The following CCBE1 variants were observed in gnomAD, a reference collection of about 807,000 sequenced individuals.
The protein encoded by CCBE1 is collagen and calcium binding EGF domains 1.
In CCBE1, 37 loss-of-function variants were observed where a neutral mutation model predicts 50.0. The observed-to-expected ratio is 0.74, with a 90% CI of 0.57 to 0.97. CCBE1 has a LOEUF of 0.97. Ranked by LOEUF, CCBE1 falls within the 50% of genes least tolerant of loss-of-function variation. CCBE1 has a pLI of 0.00. For missense variants in CCBE1, 538 were observed against 523.8 expected (o/e 1.03, Z -0.26); for synonymous variants, 234 against 203.7 (o/e 1.15, Z -1.27).
At chr18:59,495,295 A>T (rs1913297624) in intron 2 of CCBE1, among the ~76,000 whole-genome samples, 1 of 152,146 alleles carries the variant, frequency 6.6e-6, no homozygotes, top group Admixed American at 6.5e-5. Flanking sequence ...AACATGGTTA[A>T]TCACCGTTTA....
intron 2 of CCBE1, among the ~76,000 whole-genome samples, chr18:59,536,006 G>T (rs75178529): frequency 6.6e-6 from 1 of 152,270 alleles, no homozygotes; most frequent in African/African-American, 2.4e-5. Flanking sequence ...ATTCTATGAG[G>T]AGGAGAAAGA....
At chr18:59,656,587 G>C (rs559805777) in intron 2 of CCBE1, among the ~76,000 whole-genome samples, 1 of 152,222 alleles carries the variant, frequency 6.6e-6, no homozygotes, top group Non-Finnish European at 1.5e-5. Context: ...CAGGTCATTA[G>C]TTTCAGTTCC....
At chr18:59,597,204 G>A (rs1017350934) in intron 2 of CCBE1, among the ~76,000 whole-genome samples, 3 of 152,150 alleles carry the variant, frequency 2.0e-5, no homozygotes, top group South Asian at 4.1e-4. Flanking sequence ...TCAGTGCCTC[G>A]TTTCCTCATC....
chr18:59,520,175 T>G (rs2144322694), intron 2 of CCBE1, among the ~76,000 whole-genome samples: 1 of 152,344 alleles, frequency 6.6e-6, no homozygotes, highest in South Asian at 2.1e-4. Context: ...TGGTTCCGTA[T>G]GAAATTTAAA....
intron 2 of CCBE1, among the ~76,000 whole-genome samples, chr18:59,655,383 A>G (rs530997881): frequency 5.2e-4 from 79 of 152,294 alleles, no homozygotes; most frequent in African/African-American, 1.7e-3. Flanking sequence ...GAAAGGGTCC[A>G]GGAGACAGAG....
intron 4 of CCBE1, among the ~76,000 whole-genome samples, chr18:59,467,959 C>G (rs1385202492): frequency 6.6e-6 from 1 of 152,228 alleles, no homozygotes; most frequent in Non-Finnish European, 1.5e-5. Flanking sequence ...TGCCTTTCCC[C>G]AGGTGTCCCT....
rs566605450 is a variant in CCBE1 at position 59,646,298 on chromosome 18, G to A, written c.212+50331C>T. Among the ~76,000 whole-genome samples the A allele has an allele frequency of 2.4e-4, 36 of 152,296 alleles. 1 individual carries two copies. The highest frequency in any genetic ancestry group is 1.7e-3 in the Admixed American group (26 of 15,310). On this transcript the variant is annotated intron_variant, in intron 2 of 10. Transcript: ENST00000439986. ...ACCCAGCAAGTGAGAGTTTCCTGTG[G>A]GCCAGATAGGGACTTAGGAATGGGA... is the stretch of plus-strand genomic sequence containing the variant.
chr18:59,696,562 A>T, intron 2 of CCBE1, 67 bp downstream of exon 2: 1 of 1,606,110 alleles, frequency 6.2e-7, no homozygotes, highest in Non-Finnish European at 8.5e-7. Context: ...CCCCTCCTTT[A>T]CAGCGCCGCC....
intron 2 of CCBE1, among the ~76,000 whole-genome samples, chr18:59,600,186 T>C (rs970088460): frequency 1.3e-5 from 2 of 152,168 alleles, no homozygotes; most frequent in African/African-American, 4.8e-5. Flanking sequence ...CATTTCTACC[T>C]GTGCTCTACC....
At chr18:59,610,633 C>T (rs892278078) in intron 2 of CCBE1, among the ~76,000 whole-genome samples, 15 of 152,216 alleles carry the variant, frequency 9.9e-5, no homozygotes, top group Admixed American at 2.0e-4. Context: ...CCTTGCATAT[C>T]TGGCCTTGTC....
intron 7 of CCBE1, among the ~76,000 whole-genome samples, chr18:59,442,608 A>G (rs1014753244): frequency 2.0e-5 from 3 of 152,012 alleles, no homozygotes; most frequent in African/African-American, 7.2e-5. Context: ...AGCGCCTATA[A>G]TCCTAGCTGC....
chr18:59,490,029 C>T (rs1289679066), intron 2 of CCBE1, among the ~76,000 whole-genome samples: 2 of 136,184 alleles, frequency 1.5e-5, no homozygotes, highest in Non-Finnish European at 3.1e-5. Context: ...TTTTGTCGCC[C>T]AGGCTGGAGT....
At chr18:59,540,180 A>C (rs1173312997) in intron 2 of CCBE1, among the ~76,000 whole-genome samples, 1 of 152,190 alleles carries the variant, frequency 6.6e-6, no homozygotes, top group African/African-American at 2.4e-5. Flanking sequence ...TATTATAAGT[A>C]CTCCTTAACA....
At chr18:59,630,838 G>A (rs912388577) in intron 2 of CCBE1, among the ~76,000 whole-genome samples, 2 of 152,148 alleles carry the variant, frequency 1.3e-5, no homozygotes, top group African/African-American at 4.8e-5. Context: ...GGTGCTCACT[G>A]GCCTCCCTAC....
chr18:59,476,246 C>T (rs1912300353), intron 3 of CCBE1, among the ~76,000 whole-genome samples: 1 of 152,104 alleles, frequency 6.6e-6, no homozygotes, highest in African/African-American at 2.4e-5. Flanking sequence ...GCACTGTGCC[C>T]GATGCACAGT....
intron 2 of CCBE1, among the ~76,000 whole-genome samples, chr18:59,539,677 T>TA (rs549049592): frequency 1.9e-4 from 29 of 152,352 alleles, no homozygotes; most frequent in African/African-American, 7.0e-4. Flanking sequence ...CATGATTCTC[T>TA]AAGGCTGGAT....
At chr18:59,506,628 T>C (rs1286467652) in intron 2 of CCBE1, among the ~76,000 whole-genome samples, 1 of 152,162 alleles carries the variant, frequency 6.6e-6, no homozygotes, top group African/African-American at 2.4e-5. Flanking sequence ...CCTCAATCTC[T>C]TTCCTTCCTC....
chr18:59,624,331 A>G (rs1285639079), intron 2 of CCBE1, among the ~76,000 whole-genome samples: 2 of 152,224 alleles, frequency 1.3e-5, no homozygotes, highest in African/African-American at 4.8e-5. Flanking sequence ...TCTGCTGCAA[A>G]TGCAAGGGCA....
At chr18:59,507,111 C>A (rs1272172123) in intron 2 of CCBE1, among the ~76,000 whole-genome samples, 1 of 152,150 alleles carries the variant, frequency 6.6e-6, no homozygotes, top group Admixed American at 6.5e-5. Context: ...AAATATTCAC[C>A]AAGATACCTC....
Sources: gnomAD v4.1 joint callset for allele counts (sites outside exome capture counted in the v4.1 genomes callset) on GRCh38, gnomAD v4.1.1 for gene constraint, MANE v1.5 for transcripts, NCBI Gene and HGNC (gene_info 2026-07-23, HGNC 2026-07-21) for gene names.